Variants in EVA1A observed in about 807,000 individuals in gnomAD.
EVA1A encodes eva-1 homolog A, regulator of programmed cell death.
Under a neutral mutation model 9.8 loss-of-function variants are expected in EVA1A, and 7 were observed. That is an observed-to-expected ratio of 0.71 (90% CI 0.41 to 1.34). EVA1A has a LOEUF of 1.34. Among genes scored for constraint, EVA1A ranks in the 40% most tolerant of loss-of-function variants. The pLI, the probability that EVA1A is intolerant of heterozygous loss-of-function variation, is 0.01. For missense variants in EVA1A, 206 were observed against 205.9 expected, an observed-to-expected ratio of 1.00 and a Z score of 0.00; for synonymous variants, 90 against 85.6, an observed-to-expected ratio of 1.05 and a Z score of -0.28.
upstream of EVA1A, among the ~76,000 whole-genome samples, chr2:75,562,886 G>A (rs796978033): frequency 2.6e-4 from 40 of 152,320 alleles, no homozygotes; most frequent in African/African-American, 9.6e-4. Flanking sequence ...AATGTGTGTT[G>A]AATGAACTAA....
chr2:75,557,631 C>A (rs185990295), intron 1 of EVA1A, among the ~76,000 whole-genome samples: 1 of 152,304 alleles, frequency 6.6e-6, no homozygotes, highest in East Asian at 1.9e-4. Context: ...GTTTTCGACC[C>A]CAAGTCTGCA....
intron 1 of EVA1A, among the ~76,000 whole-genome samples, chr2:75,536,301 C>T (rs1371345258): frequency 6.6e-6 from 1 of 152,164 alleles, no homozygotes; most frequent in Non-Finnish European, 1.5e-5. Flanking sequence ...CGCCACTGCA[C>T]TCCAGCCTGG....
chr2:75,562,282 T>G (rs573772499), upstream of EVA1A, among the ~76,000 whole-genome samples: 1 of 152,264 alleles, frequency 6.6e-6, no homozygotes, highest in East Asian at 1.9e-4. Flanking sequence ...TGGCCCCAGC[T>G]CCACCCTCAC....
At chr2:75,499,309 T>C (rs1273221827) in intron 3 of EVA1A, among the ~76,000 whole-genome samples, 2 of 152,152 alleles carry the variant, frequency 1.3e-5, no homozygotes, top group African/African-American at 4.8e-5. Context: ...GCAATAAACA[T>C]AATTGGAATT....
At chr2:75,548,289 T>A (rs750283768) in intron 1 of EVA1A, among the ~76,000 whole-genome samples, 2 of 152,210 alleles carry the variant, frequency 1.3e-5, no homozygotes. Context: ...CACATCACCA[T>A]GCCTGGCTAA....
intron 1 of EVA1A, among the ~76,000 whole-genome samples, chr2:75,556,741 G>C (rs559483474): frequency 6.6e-6 from 1 of 152,300 alleles, no homozygotes; most frequent in East Asian, 1.9e-4. Flanking sequence ...GTTTCAGGAT[G>C]AAACTGTTCC....
intron 1 of EVA1A, among the ~76,000 whole-genome samples, chr2:75,541,060 G>A (rs182632708): frequency 4.0e-4 from 61 of 152,312 alleles, no homozygotes; most frequent in Admixed American, 3.6e-3. Flanking sequence ...CGCATGGTGT[G>A]ATATTGAATG....
intron 2 of EVA1A, among the ~76,000 whole-genome samples, chr2:75,520,722 C>T (rs1055137432): frequency 3.3e-5 from 5 of 151,956 alleles, no homozygotes; most frequent in African/African-American, 9.7e-5. Context: ...CTAAATGTAA[C>T]AGCTAAAAAT....
At chr2:75,538,213 C>A (rs1675986737) in intron 1 of EVA1A, among the ~76,000 whole-genome samples, 1 of 152,140 alleles carries the variant, frequency 6.6e-6, no homozygotes, top group African/African-American at 2.4e-5. Context: ...TTGCTTGAAT[C>A]CGGGAGGTGG....
At chr2:75,553,533 A>G (rs964233913) in intron 1 of EVA1A, among the ~76,000 whole-genome samples, 1 of 152,204 alleles carries the variant, frequency 6.6e-6, no homozygotes, top group African/African-American at 2.4e-5. Flanking sequence ...CCCTGTTTCC[A>G]GAGCCTGGAA....
chr2:75,558,274 C>A (rs943512365), intron 1 of EVA1A, among the ~76,000 whole-genome samples: 2 of 152,142 alleles, frequency 1.3e-5, no homozygotes, highest in African/African-American at 4.8e-5. Context: ...AGAGAAGGTA[C>A]GCTATTTCTT....
upstream of EVA1A, among the ~76,000 whole-genome samples, chr2:75,562,033 A>G (rs1676935981): frequency 2.6e-5 from 4 of 152,210 alleles, no homozygotes; most frequent in South Asian, 8.3e-4. Context: ...GACTGGCAGT[A>G]CTAACACCAC....
chr2:75,563,418 G>A (rs745676833), upstream of EVA1A, among the ~76,000 whole-genome samples: 3 of 152,160 alleles, frequency 2.0e-5, no homozygotes, highest in Non-Finnish European at 2.9e-5. Context: ...GAGGACCTAT[G>A]GGTTATGGCT....
chr2:75,556,852 T>G (rs1388312454), intron 1 of EVA1A, among the ~76,000 whole-genome samples: 2 of 152,154 alleles, frequency 1.3e-5, no homozygotes, highest in Non-Finnish European at 2.9e-5. Context: ...GAGAATCTAA[T>G]GCAGCCGCTG....
rs543176432 is a variant in EVA1A at position 75,498,842 on chromosome 2, T to A, written c.86-5233A>T. Among the ~76,000 whole-genome samples the A allele has an allele frequency of 2.0e-3, 309 of 152,112 alleles. 1 individual carries two copies. The highest frequency in any genetic ancestry group is 7.1e-3 in the African/African-American group (295 of 41,468). On this transcript the variant is annotated intron_variant, in intron 3 of 3. Transcript: ENST00000393913. ...AAAAAGATGGTCTTCTCAGACTCATTTGCTTACAAATAGCATATTCCTACG... is the reference window on the plus strand; with the variant it reads ...AAAAAGATGGTCTTCTCAGACTCATATGCTTACAAATAGCATATTCCTACG...
intron 1 of EVA1A, among the ~76,000 whole-genome samples, chr2:75,532,407 A>C (rs1675696569): frequency 6.6e-6 from 1 of 152,162 alleles, no homozygotes; most frequent in Non-Finnish European, 1.5e-5. Flanking sequence ...TATTTTTATT[A>C]ACAACAATAA....
intron 3 of EVA1A, among the ~76,000 whole-genome samples, chr2:75,496,343 GA>G (rs1264927796): frequency 2.0e-5 from 3 of 152,072 alleles, no homozygotes; most frequent in African/African-American, 7.2e-5. Flanking sequence ...AAAGTTTCAG[GA>G]TGCAAAATCA....
At chr2:75,530,472 G>C (rs1219342675) in intron 1 of EVA1A, among the ~76,000 whole-genome samples, 2 of 152,008 alleles carry the variant, frequency 1.3e-5, no homozygotes, top group African/African-American at 2.4e-5. Flanking sequence ...AGACCAATAT[G>C]CCTGATGAAC....
intron 1 of EVA1A, among the ~76,000 whole-genome samples, chr2:75,554,644 TGACCCTGATTCCTCCTCTAATACA>T (rs1010156647): frequency 2.0e-5 from 3 of 152,184 alleles, no homozygotes; most frequent in Non-Finnish European, 4.4e-5. Context: ...GTTGTGGGTG[TGACCCTGATTCCTCCTCTAATACA>T]GACCTCAGAG....
Sources: allele counts gnomAD v4.1 joint callset (sites outside exome capture counted in the v4.1 genomes callset), GRCh38; gene constraint gnomAD v4.1.1; transcripts MANE v1.5; gene names NCBI Gene and HGNC (gene_info 2026-07-23, HGNC 2026-07-21).